Variants in GLCCI1 observed in about 807,000 individuals in gnomAD.
The protein encoded by GLCCI1 is glucocorticoid-induced transcript 1 protein.
In GLCCI1, 24 loss-of-function variants were observed where a neutral mutation model predicts 52.2. That is an observed-to-expected ratio of 0.46 (90% CI 0.33 to 0.65). The LOEUF is 0.65. Among genes scored for constraint, GLCCI1 ranks in the 30% least tolerant of loss-of-function variants. The pLI is 0.02. For missense variants in GLCCI1, 704 were observed against 701.5 expected (o/e 1.00, Z -0.04); for synonymous variants, 310 against 276.5 (o/e 1.12, Z -1.20).
At chr7:8,063,058 C>T (rs547019663) in intron 5 of GLCCI1, among the ~76,000 whole-genome samples, 6 of 152,330 alleles carry the variant, frequency 3.9e-5, no homozygotes, top group African/African-American at 1.4e-4. Flanking sequence ...TCCACAGTGG[C>T]TAAACTTACT....
In GLCCI1 at chr7:8,080,973, C is replaced by T. The variant is rs143475416; in HGVS notation, c.1178-3924C>T. 4.1e-4 allele frequency among the ~76,000 whole-genome samples: 62 copies of T among 151,826 alleles called. No homozygotes were observed. In the East Asian group the frequency reaches 7.2e-3, roughly 18 times the overall value. On this transcript the variant is annotated intron_variant, in intron 6 of 7. Transcript: ENST00000223145. ...TACAGGCGTAAGCCACCTCGCCCAG[C>T]GCTTATCCTAATCCTTTTACATATA... is the stretch of plus-strand genomic sequence containing the variant.
chr7:8,016,699 T>A (rs1168944717), intron 2 of GLCCI1, among the ~76,000 whole-genome samples: 1 of 152,148 alleles, frequency 6.6e-6, no homozygotes, highest in Non-Finnish European at 1.5e-5. Context: ...GGGGGACAAC[T>A]ATTATTGTCA....
At position 8,060,159 on chromosome 7, in the gene GLCCI1, T is replaced by C. The variant is rs758926642; in HGVS notation, c.877T>C (p.Ser293Pro). ...SNISVPKSSV[S>P]RVPCNVEGIS... ...TATATCAGTGCCAAAATCATCTGTT[T>C]CGCGTGTGCCCTGCAATGTAGAAGG... The change falls in exon 5 of 8, where the codon TCG becomes CCG. Residue 293 changes from serine to proline, a missense_variant. Physicochemically the swap from Ser to Pro is moderately conservative, Grantham distance 74. Around this residue, in one of 3 missense-constraint regions of GLCCI1, gnomAD observed 547 missense variants for 524.8 expected, o/e 1.04. Coordinates refer to ENST00000223145, the MANE Select transcript of GLCCI1 (RefSeq NM_138426.4). 22 of 1,613,752 alleles carry C rather than the reference T, an allele frequency of 1.4e-5. No homozygotes were observed. Among genetic ancestry groups the C allele is most frequent in the Non-Finnish European group, 1.8e-5 (21 of 1,179,698 alleles).
rs116931571 is a variant in GLCCI1, at chr7:8,086,951, T to C, written c.*413T>C. ...TATGTTTACAATTGATCCAGGTGTT[T>C]GTTTCTAACTTCTGTAATACATACA... On this transcript the variant is annotated 3_prime_UTR_variant, in exon 8 of 8. Transcript: ENST00000223145. This position sits in a 1 kb window ranked among gnomAD's most constrained non-coding sequence, Gnocchi z 4.4. 0.011 allele frequency: 1,701 copies of C among 155,112 alleles called. 32 individuals are homozygous for C. The highest frequency in any genetic ancestry group is 0.043 in the Middle Eastern group (13 of 302). 9.6% of individuals were successfully genotyped at this position (155,112 alleles called of 1,614,324 possible). A position where few individuals can be genotyped will look rare whatever the true frequency, so the allele number is the denominator to read the frequency against.
intron 3 of GLCCI1, among the ~76,000 whole-genome samples, chr7:8,049,043 C>T (rs920812214): frequency 3.3e-5 from 5 of 152,082 alleles, no homozygotes; most frequent in Non-Finnish European, 4.4e-5. Flanking sequence ...ATTTACTATT[C>T]TTTAAGGCAC....
Position 8,087,607 on chromosome 7 carries a change from T to C in GLCCI1, c.*1069T>C, listed in dbSNP as rs927145798. On this transcript the variant is annotated 3_prime_UTR_variant, in exon 8 of 8. Transcript: ENST00000223145. ...ACATATTTATATTTAGTTTCTCCCT[T>C]GGAAATTCTTTATTTTGCAGGTGAA... 1 of 152,546 alleles carries C rather than the reference T, an allele frequency of 6.6e-6. No homozygotes were observed. Among genetic ancestry groups the C allele is most frequent in the African/African-American group, 2.4e-5 (1 of 41,452 alleles). 9.4% of individuals were successfully genotyped at this position (152,546 alleles called of 1,614,324 possible).
intron 3 of GLCCI1, 77 bp downstream of exon 3, chr7:8,022,646 C>A: frequency 1.2e-6 from 1 of 805,846 alleles, no homozygotes; most frequent in Non-Finnish European, 1.9e-6. Flanking sequence ...AATGTAATGA[C>A]ACTTTTAAAA....
chr7:8,077,653 A>G (rs566223338), intron 6 of GLCCI1, among the ~76,000 whole-genome samples: 57 of 127,592 alleles, frequency 4.5e-4, no homozygotes, highest in African/African-American at 1.5e-3. Context: ...ATTATTTCCA[A>G]TATTACCACA....
chr7:8,073,716 A>AT (rs1222727389), intron 6 of GLCCI1, among the ~76,000 whole-genome samples: 1 of 152,270 alleles, frequency 6.6e-6, no homozygotes, highest in African/African-American at 2.4e-5. Flanking sequence ...CTTAATAGTG[A>AT]TTTTTTTAAA....
chr7:8,033,296 C>A (rs770291720), intron 3 of GLCCI1, among the ~76,000 whole-genome samples: 19 of 151,864 alleles, frequency 1.3e-4, no homozygotes, highest in Non-Finnish European at 2.4e-4. Context: ...CTACAGATTA[C>A]TCATATTAAA....
chr7:8,063,556 C>T (rs188451711), intron 5 of GLCCI1, among the ~76,000 whole-genome samples: 55 of 150,784 alleles, frequency 3.6e-4, no homozygotes, highest in Middle Eastern at 3.4e-3. Flanking sequence ...TTGTTGGCCA[C>T]GTGTATATCC....
At chr7:8,003,779 G>A in intron 1 of GLCCI1, 129 bp from the exon 2 acceptor site, 1 of 697,290 alleles carries the variant, frequency 1.4e-6, no homozygotes, top group Non-Finnish European at 2.3e-6. Context: ...TCATACAACA[G>A]GGCTATTAGT....
chr7:7,980,526 A>T, intron 1 of GLCCI1: 1 of 466,008 alleles, frequency 2.1e-6, no homozygotes, highest in Middle Eastern at 3.0e-4. Flanking sequence ...TTCACAGTAT[A>T]CAAAGGTATT....
chr7:8,043,541 A>G (rs1174688491), intron 3 of GLCCI1, among the ~76,000 whole-genome samples: 1 of 152,212 alleles, frequency 6.6e-6, no homozygotes, highest in African/African-American at 2.4e-5. Flanking sequence ...TAGAAAGGAA[A>G]AAATGCCTAT....
At chr7:8,070,755 TA>T (rs1167817755) in intron 5 of GLCCI1, 165 bp from the exon 6 acceptor site, 18 of 605,458 alleles carry the variant, frequency 3.0e-5, no homozygotes, top group Middle Eastern at 4.3e-4. Flanking sequence ...TCAATAAAGG[TA>T]ACATACGCAG....
At chr7:8,036,658 A>G (rs185156387) in intron 3 of GLCCI1, among the ~76,000 whole-genome samples, 3 of 152,332 alleles carry the variant, frequency 2.0e-5, no homozygotes, top group African/African-American at 7.2e-5. Flanking sequence ...AGAAATCAGA[A>G]AAACAATTTA....
intron 5 of GLCCI1, among the ~76,000 whole-genome samples, chr7:8,064,788 A>C (rs1346920652): frequency 1.3e-5 from 2 of 151,740 alleles, no homozygotes; most frequent in African/African-American, 4.8e-5. Context: ...GCTCACTGCA[A>C]CCTCCACTTC....
At chr7:8,050,206 C>G (rs189024739) in intron 3 of GLCCI1, among the ~76,000 whole-genome samples, 1 of 151,992 alleles carries the variant, frequency 6.6e-6, no homozygotes, top group Admixed American at 6.6e-5. Context: ...GATGACCCTC[C>G]CTGTGTATAT....
Position 8,054,795 on chromosome 7 carries a change from A to G in GLCCI1, c.697-638A>G, listed in dbSNP as rs1246032074. Among the ~76,000 whole-genome samples, 12 of 152,110 alleles carry G rather than the reference A, an allele frequency of 7.9e-5. No individual in the cohort carries two copies. The East Asian group carries it at 1.7e-3, about 22-fold the overall frequency. On this transcript the variant is annotated intron_variant, in intron 3 of 7. Transcript: ENST00000223145. ...ATATGTAAGTAGTTTAATGAATTCC[A>G]GGTCATATTATAGTAATGACTTTTC...
Sources: gnomAD v4.1 joint callset for allele counts (sites outside exome capture counted in the v4.1 genomes callset) on GRCh38, gnomAD v4.1.1 for gene constraint, gnomAD v4.1.1 regional missense constraint, Gnocchi (gnomAD v3.1) non-coding constraint, MANE v1.5 for transcripts, NCBI Gene and HGNC (gene_info 2026-07-23, HGNC 2026-07-21) for gene names.